Variants in MAP2K4 observed in about 807,000 individuals in gnomAD.
MAP2K4 encodes mitogen-activated protein kinase kinase 4, also known as dual specificity mitogen-activated protein kinase kinase 4.
A neutral mutation model predicts 48.5 loss-of-function variants in MAP2K4; 4 were observed. The ratio of observed to expected loss-of-function variants is 0.08; its 90% CI spans 0.04 to 0.19. The LOEUF is 0.19. Among genes scored for constraint, MAP2K4 ranks in the 10% least tolerant of loss-of-function variants. The pLI, the probability that MAP2K4 is intolerant of heterozygous loss-of-function variation, is 1.00. For synonymous variants in MAP2K4, 166 were observed against 173.1 expected (o/e 0.96, Z 0.32); for missense variants, 258 against 493.3 (o/e 0.52, Z 4.52).
At chr17:12,138,290 C>G (rs1460954547) in intron 9 of MAP2K4, among the ~76,000 whole-genome samples, 2 of 152,102 alleles carry the variant, frequency 1.3e-5, no homozygotes, top group East Asian at 3.9e-4. Flanking sequence ...TTGATTACCC[C>G]AAAACTTGAC....
intron 1 of MAP2K4, among the ~76,000 whole-genome samples, chr17:12,040,187 A>G (rs1233495376): frequency 6.6e-6 from 1 of 152,166 alleles, no homozygotes; most frequent in East Asian, 1.9e-4. Flanking sequence ...AACTTTGCCT[A>G]CATTAATTAT....
At chr17:12,075,823 A>G (rs1567646859) in intron 2 of MAP2K4, among the ~76,000 whole-genome samples, 1 of 152,214 alleles carries the variant, frequency 6.6e-6, no homozygotes, top group Non-Finnish European at 1.5e-5. Flanking sequence ...GTTAAAATAT[A>G]TTAAGTGAAA....
intron 1 of MAP2K4, among the ~76,000 whole-genome samples, chr17:12,037,217 ATTT>A (rs534786544): frequency 1.4e-3 from 208 of 152,284 alleles, no homozygotes; most frequent in African/African-American, 4.8e-3. Flanking sequence ...CTGGAGACTG[ATTT>A]TATAAGTATC....
intron 1 of MAP2K4, among the ~76,000 whole-genome samples, chr17:12,050,070 A>G (rs946352684): frequency 5.3e-5 from 8 of 152,182 alleles, no homozygotes; most frequent in African/African-American, 1.4e-4. Context: ...CAGATTGGCT[A>G]AAATGTTGTA....
At chr17:12,071,228 C>T (rs12947589) in intron 2 of MAP2K4, among the ~76,000 whole-genome samples, 25,598 of 152,134 alleles carry the variant, frequency 0.17, 2,534 homozygotes, top group South Asian at 0.3. Context: ...CTGGATGGAC[C>T]TATCTTTTTT....
At chr17:12,095,888 CGTGTGTTTGT>C (rs979189796) in intron 4 of MAP2K4, among the ~76,000 whole-genome samples, 194 bp downstream of exon 4, 11 of 122,520 alleles carry the variant, frequency 9.0e-5, no homozygotes, top group African/African-American at 2.6e-4. Flanking sequence ...GTGAATCACA[CGTGTGTTTGT>C]GTGTGTGTGT....
At chr17:12,078,744 C>G (rs1418539411) in intron 2 of MAP2K4, among the ~76,000 whole-genome samples, 1 of 152,004 alleles carries the variant, frequency 6.6e-6, no homozygotes, top group East Asian at 1.9e-4. Flanking sequence ...TTTCCTAGGC[C>G]TCTTACGTAG....
intron 1 of MAP2K4, among the ~76,000 whole-genome samples, chr17:12,041,863 G>A (rs1969795839): frequency 6.6e-6 from 1 of 152,150 alleles, no homozygotes; most frequent in African/African-American, 2.4e-5. Context: ...AGAATGTTCT[G>A]TCTGATTTCC....
At chr17:12,134,180 G>T (rs549283652) in intron 9 of MAP2K4, among the ~76,000 whole-genome samples, 2 of 152,114 alleles carry the variant, frequency 1.3e-5, no homozygotes, top group Non-Finnish European at 2.9e-5. Context: ...TGATGATACT[G>T]CAATGATGGC....
intron 5 of MAP2K4, among the ~76,000 whole-genome samples, chr17:12,108,964 AACTT>A (rs1309857983): frequency 2.0e-5 from 3 of 152,050 alleles, no homozygotes; most frequent in South Asian, 2.1e-4. Flanking sequence ...GTTATCTTGA[AACTT>A]ACTATTTGTA....
At chr17:12,104,954 G>T (rs1042716636) in intron 4 of MAP2K4, among the ~76,000 whole-genome samples, 5 of 152,102 alleles carry the variant, frequency 3.3e-5, no homozygotes, top group African/African-American at 4.8e-5. Flanking sequence ...TATATGGAAG[G>T]CCAGTTGTCC....
At chr17:12,031,628 G>A (rs1435503336) in intron 1 of MAP2K4, among the ~76,000 whole-genome samples, 1 of 152,124 alleles carries the variant, frequency 6.6e-6, no homozygotes, top group Non-Finnish European at 1.5e-5. Flanking sequence ...AATGTGTTTA[G>A]GTTTCTAAGG....
At chr17:12,065,835 T>C (rs1247849053) in intron 2 of MAP2K4, among the ~76,000 whole-genome samples, 1 of 152,220 alleles carries the variant, frequency 6.6e-6, no homozygotes, top group African/African-American at 2.4e-5. Flanking sequence ...TTCGACAATT[T>C]AGATGACTTG....
At chr17:12,111,756 C>T (rs1972312752) in intron 6 of MAP2K4, among the ~76,000 whole-genome samples, 1 of 152,068 alleles carries the variant, frequency 6.6e-6, no homozygotes, top group Non-Finnish European at 1.5e-5. Flanking sequence ...AATAGAAAAT[C>T]CTGATAACTC....
chr17:12,048,340 AT>A (rs1477971479), intron 1 of MAP2K4, among the ~76,000 whole-genome samples: 1 of 152,172 alleles, frequency 6.6e-6, no homozygotes, highest in African/African-American at 2.4e-5. Flanking sequence ...CTAAAAATCC[AT>A]TTTACACACA....
chr17:12,066,920 G>T (rs527834323), intron 2 of MAP2K4, among the ~76,000 whole-genome samples: 1 of 152,046 alleles, frequency 6.6e-6, no homozygotes, highest in Non-Finnish European at 1.5e-5. Context: ...CTCGTGATCC[G>T]CCCGCCTCGG....
intron 1 of MAP2K4, among the ~76,000 whole-genome samples, chr17:12,028,630 G>A (rs1969334867): frequency 6.6e-6 from 1 of 152,176 alleles, no homozygotes; most frequent in South Asian, 2.1e-4. Flanking sequence ...GAAAGACTTT[G>A]TAGCACGGTC....
intron 9 of MAP2K4, among the ~76,000 whole-genome samples, chr17:12,139,028 C>T (rs1450687716): frequency 6.6e-6 from 1 of 152,074 alleles, no homozygotes. Context: ...AAGAGGGAAT[C>T]TACATAGCAC....
chr17:12,090,675 A>G (rs1040960235), intron 3 of MAP2K4, among the ~76,000 whole-genome samples: 3 of 152,148 alleles, frequency 2.0e-5, no homozygotes, highest in African/African-American at 7.2e-5. Context: ...CCACCCATGA[A>G]AACAAATTTA....
Sources: gnomAD v4.1 joint callset for allele counts (sites outside exome capture counted in the v4.1 genomes callset) on GRCh38, gnomAD v4.1.1 for gene constraint, MANE v1.5 for transcripts, NCBI Gene and HGNC (gene_info 2026-07-23, HGNC 2026-07-21) for gene names.